The following MYH7B variants were observed in gnomAD, a reference collection of about 807,000 sequenced individuals.
MYH7B encodes the protein myosin-7B.
A neutral mutation model predicts 234.5 loss-of-function variants in MYH7B; 205 were observed. The ratio of observed to expected loss-of-function variants is 0.87; its 90% CI spans 0.78 to 0.98. The LOEUF is 0.98. Among genes scored for constraint, MYH7B ranks in the 50% least tolerant of loss-of-function variants. The pLI is 0.00. For synonymous variants in MYH7B, 1,193 were observed against 1,105.0 expected (o/e 1.08, Z -1.58); for missense variants, 2,652 against 2,633.4 (o/e 1.01, Z -0.15).
intron 29 of MYH7B, 40 bp downstream of exon 29, chr20:34,996,562 G>A: frequency 6.2e-7 from 1 of 1,601,088 alleles, no homozygotes; most frequent in African/African-American, 1.3e-5. Flanking sequence ...GCGGGGCCGG[G>A]GTGCCGGCTG....
At chr20:34,973,994 G>A (rs1451752869) in intron 2 of MYH7B, among the ~76,000 whole-genome samples, 3 of 148,272 alleles carry the variant, frequency 2.0e-5, no homozygotes, top group African/African-American at 5.0e-5. Flanking sequence ...GTGCGATCTC[G>A]GCTCACTGCA....
intron 10 of MYH7B, among the ~76,000 whole-genome samples, chr20:34,983,391 C>T (rs1020835072): frequency 1.5e-5 from 2 of 130,162 alleles, no homozygotes; most frequent in South Asian, 4.9e-4. Flanking sequence ...TTTGTTTTTG[C>T]TGTTGACTTT....
rs544995863 is a variant in MYH7B at position 34,966,928 on chromosome 20, A to T, written c.-221-8472A>T. 8.0e-5 allele frequency among the ~76,000 whole-genome samples: 12 copies of T among 150,572 alleles called. No individual in the cohort carries two copies. The East Asian group carries it at 1.2e-3, about 15-fold the overall frequency. ...TAACAGTGATACCTTGTCTTTAAAAATTTTTTTTTTAAAAAAGGGAGGCTG... is the reference window on the plus strand; with the variant it reads ...TAACAGTGATACCTTGTCTTTAAAATTTTTTTTTTTAAAAAAGGGAGGCTG... On this transcript the variant is annotated intron_variant, in intron 2 of 44. Coordinates refer to ENST00000262873, the Ensembl canonical transcript of MYH7B.
intron 24 of MYH7B, among the ~76,000 whole-genome samples, chr20:34,992,233 A>G (rs917406874): frequency 5.3e-5 from 8 of 152,046 alleles, no homozygotes; most frequent in Non-Finnish European, 1.0e-4. Context: ...AAAATATAAA[A>G]AAATTAGCCG....
At chr20:34,996,802 C>T in intron 30 of MYH7B, 44 bp downstream of exon 30, 1 of 1,585,346 alleles carries the variant, frequency 6.3e-7, no homozygotes, top group Non-Finnish European at 8.6e-7. Flanking sequence ...TGAGCCTGCA[C>T]CTGGCCCTTG....
exon 24 of MYH7B, chr20:34,991,068 G>T (rs377707540): frequency 6.8e-6 from 11 of 1,613,954 alleles, no homozygotes; most frequent in Non-Finnish European, 7.6e-6. Flanking sequence ...AGGGGATCCG[G>T]ATCTGCCGCC....
At chr20:34,999,503 G>T in intron 36 of MYH7B, 68 bp from the exon 37 acceptor site, 1 of 1,538,654 alleles carries the variant, frequency 6.5e-7, no homozygotes, top group African/African-American at 1.4e-5. Flanking sequence ...GGAATCAGGG[G>T]TGAGTGGAGT....
Position 35,000,822 on chromosome 20 carries a change from A to G in MYH7B, c.5233A>G (p.Ser1745Gly), listed in dbSNP as rs1413414761. 21 of 1,613,732 alleles carry G rather than the reference A, an allele frequency of 1.3e-5. No homozygotes were observed. The East Asian group carries it at 4.7e-4, about 36-fold the overall frequency. The change falls in exon 40 of 45, where the codon AGC (serine) becomes GGC (glycine). Residue 1745 changes from serine to glycine, a missense_variant. By Grantham distance (56) the Ser-to-Gly change is moderately conservative. This residue lies in a region of MYH7B where 2,279 missense variants were observed against 2,211.4 expected (regional missense o/e 1.03). Transcript: ENST00000262873. ...GCTGGAGGCGGACTTGGCCCAGCTG[A>G]GCGGGGAGGTGGAGGAGGCTGCACA... is the stretch of plus-strand genomic sequence containing the variant.
intron 19 of MYH7B, 80 bp downstream of exon 19, chr20:34,988,342 A>C: frequency 6.7e-7 from 1 of 1,486,500 alleles, no homozygotes; most frequent in East Asian, 2.3e-5. Flanking sequence ...CATGGCTTGC[A>C]TGGAAGCCTG....
chr20:34,959,359 C>T (rs1320449739), intron 2 of MYH7B, among the ~76,000 whole-genome samples: 4 of 152,188 alleles, frequency 2.6e-5, no homozygotes, highest in African/African-American at 9.7e-5. Flanking sequence ...GATTCCGGAG[C>T]AGAGGGAGAT....
intron 3 of MYH7B, among the ~76,000 whole-genome samples, chr20:34,976,478 A>G (rs530796804): frequency 6.6e-6 from 1 of 152,274 alleles, no homozygotes; most frequent in East Asian, 1.9e-4. Context: ...GGAGCCCTGA[A>G]TGGGGTGATG....
rs367743239 is a variant in MYH7B at position 34,993,325 on chromosome 20, C to T, written c.2308-9C>T. On this transcript the variant is annotated splice_polypyrimidine_tract_variant and intron_variant, in intron 25 of 44. Coordinates refer to ENST00000262873, the Ensembl canonical transcript of MYH7B. ...GGGTTACCCTGGCTGTCTACCTCTCCGCCCCCAGGTGTTCTTCAAGGCTGG... is the reference window on the plus strand; with the variant it reads ...GGGTTACCCTGGCTGTCTACCTCTCTGCCCCCAGGTGTTCTTCAAGGCTGG... 5.5e-5 allele frequency: 89 copies of T among 1,613,976 alleles called. No homozygotes were observed. The highest frequency in any genetic ancestry group is 2.5e-4 in the African/African-American group (19 of 74,922).
Position 34,991,003 on chromosome 20 carries a change from G to A in MYH7B, c.2066-1G>A, listed in dbSNP as rs752660275. ...CTGACCTTTTCCCCTCTCACGTCCA[G>A]GGGTCATGGATGCCTTCTTGGTGCT... On this transcript the variant is annotated splice_acceptor_variant, in intron 23 of 44. Coordinates refer to ENST00000262873, the Ensembl canonical transcript of MYH7B. LOFTEE classifies it high-confidence loss of function. 14 of 1,610,904 alleles carry A rather than the reference G, an allele frequency of 8.7e-6. No individual in the cohort carries two copies. The South Asian group carries it at 1.5e-4, about 18-fold the overall frequency.
chr20:34,987,122 G>C (rs2082042228), intron 15 of MYH7B, 27 bp from the exon 16 acceptor site: 1 of 1,612,632 alleles, frequency 6.2e-7, no homozygotes, highest in Non-Finnish European at 8.5e-7. Context: ...AGACCTCTCT[G>C]AACTCGCTTT....
chr20:34,990,460 C>A (rs1189840352), intron 22 of MYH7B, 150 bp downstream of exon 22: 1 of 972,860 alleles, frequency 1.0e-6, no homozygotes, highest in Admixed American at 1.7e-5. Context: ...CACAGCAAGT[C>A]TGTGCTGCTT....
Position 34,997,516 on chromosome 20 carries a change from C to A in MYH7B, c.3623C>A (p.Ala1208Glu), listed in dbSNP as rs372505798. The stretch of plus-strand genomic sequence containing the variant: ...CGGCGCAAGCAGGCGGAGGGCGCGG[C>A]GGAGCTGGGGGAGCAGGTGGACAGC... Residue 1208 changes from alanine to glutamate, a missense_variant, in exon 32 of 45, where the codon GCG (alanine) becomes GAG (glutamate). Ala to Glu is a moderately radical substitution (Grantham distance 107). Coordinates refer to ENST00000262873, the Ensembl canonical transcript of MYH7B. 2.1e-5 allele frequency: 33 copies of A among 1,598,676 alleles called. No homozygotes were observed. The Admixed American group carries it at 5.5e-4, about 27-fold the overall frequency.
chr20:34,967,464 G>T (rs555897419), intron 2 of MYH7B, among the ~76,000 whole-genome samples: 23 of 152,096 alleles, frequency 1.5e-4, no homozygotes, highest in Admixed American at 1.3e-3. Flanking sequence ...GACCCTCTGG[G>T]TAGGTTTCCC....
chr20:34,988,318 CA>C, intron 19 of MYH7B, 56 bp downstream of exon 19: 4 of 1,562,012 alleles, frequency 2.6e-6, no homozygotes, highest in Non-Finnish European at 3.5e-6. Flanking sequence ...GGTGAGCAAG[CA>C]GGGATGGATG....
intron 43 of MYH7B, 45 bp downstream of exon 43, chr20:35,001,571 C>T (rs1600483265): frequency 6.5e-7 from 1 of 1,533,596 alleles, no homozygotes; most frequent in Non-Finnish European, 8.9e-7. Flanking sequence ...CACCCCAGCT[C>T]TGCCCCAGGG....
Sources: gnomAD v4.1 joint callset for allele counts (sites outside exome capture counted in the v4.1 genomes callset) on GRCh38, gnomAD v4.1.1 for gene constraint, gnomAD v4.1.1 regional missense constraint, MANE v1.5 for transcripts, NCBI Gene and HGNC (gene_info 2026-07-23, HGNC 2026-07-21) for gene names.